PRH1: variants seen among roughly 807,000 people sequenced by gnomAD.
PRH1 encodes the protein proline rich protein HaeIII subfamily 1, also known as salivary acidic proline-rich phosphoprotein 1/2.
PRH1 carries 7 observed loss-of-function variants against 7.9 expected under a neutral mutation model. The ratio of observed to expected loss-of-function variants is 0.89; its 90% CI spans 0.50 to 1.67. The LOEUF (loss-of-function observed/expected upper bound fraction) is 1.67, where lower values mean the gene tolerates loss of function less well. Ranked by LOEUF, PRH1 falls within the 40% of genes most tolerant of loss-of-function variation. The pLI is 0.00. For missense variants in PRH1, 109 were observed against 223.6 expected, an observed-to-expected ratio of 0.49 and a Z score of 3.27; for synonymous variants, 45 against 80.8, an observed-to-expected ratio of 0.56 and a Z score of 2.38.
chr12:10,997,113 G>A (rs765313694), intron 1 of PRH1: 7 of 1,613,970 alleles, frequency 4.3e-6, no homozygotes, highest in Middle Eastern at 1.6e-4. Context: ...TCTTTTGGTC[G>A]CATCTTAAAA....
intron 1 of PRH1, chr12:11,030,334 A>C (rs933338486): frequency 6.5e-7 from 1 of 1,541,370 alleles, no homozygotes; most frequent in African/African-American, 1.4e-5. Flanking sequence ...AAAACCAGTA[A>C]GAAATATAAA....
At chr12:11,033,323 T>C (rs994686652) in intron 1 of PRH1, among the ~76,000 whole-genome samples, 1 of 151,982 alleles carries the variant, frequency 6.6e-6, no homozygotes, top group African/African-American at 2.4e-5. Flanking sequence ...ACTGAGATTA[T>C]GCCACTGCAC....
intron 1 of PRH1, among the ~76,000 whole-genome samples, chr12:11,105,006 A>G (rs1194841853): frequency 6.6e-6 from 1 of 151,742 alleles, no homozygotes; most frequent in Non-Finnish European, 1.5e-5. Context: ...ATATTTATTT[A>G]TATTTCATTA....
intron 1 of PRH1, among the ~76,000 whole-genome samples, chr12:11,147,175 T>C (rs185353405): frequency 3.9e-5 from 6 of 152,336 alleles, no homozygotes; most frequent in Admixed American, 2.0e-4. Context: ...AGTTTATCTA[T>C]GAACATGATA....
intron 2 of PRH1, among the ~76,000 whole-genome samples, chr12:10,946,342 G>A (rs7969080): frequency 0.51 from 77,782 of 152,016 alleles, 22,044 homozygotes; most frequent in East Asian, 0.72. Flanking sequence ...TGGTCCCTCC[G>A]TTTGGGGTCT....
intron 1 of PRH1, among the ~76,000 whole-genome samples, chr12:11,167,375 T>C (rs36050405): frequency 0.22 from 33,908 of 151,928 alleles, 3,822 homozygotes; most frequent in Non-Finnish European, 0.24. Context: ...CCTACTGAAA[T>C]GCCAGAGAAC....
rs117166084 is a variant in PRH1, at chr12:10,981,910, A to T, written c.-125-8189T>A. On this transcript the variant is annotated intron_variant, in intron 1 of 3. Transcript: ENST00000539853. The stretch of plus-strand genomic sequence containing the variant: ...GATTCTTACTATGTTGCCAAGGCTG[A>T]TCTGAAACTCTCAGCCTAAAGTGAT... Among the ~76,000 whole-genome samples the T allele has an allele frequency of 7.2e-3, 1,052 of 146,834 alleles. 8 individuals are homozygous for T. The highest frequency in any genetic ancestry group is 0.011 in the Non-Finnish European group (755 of 66,994).
chr12:11,006,509 A>C lies in PRH1; in HGVS notation c.-125-32788T>G, dbSNP rs141727367. 4.3e-3 allele frequency among the ~76,000 whole-genome samples: 653 copies of C among 151,742 alleles called. 5 individuals are homozygous for C. The highest frequency in any genetic ancestry group is 0.015 in the African/African-American group (631 of 41,412). The stretch of plus-strand genomic sequence containing the variant: ...CTTGCCTTCCTGCCTCAGCTTGCCA[A>C]GTAACTGGAACTACAGGCATGCACC... On this transcript the variant is annotated intron_variant, in intron 1 of 3. Coordinates refer to the PRH1 transcript ENST00000539853.
At chr12:11,110,819 G>A (rs1195481953) in intron 1 of PRH1, among the ~76,000 whole-genome samples, 1 of 152,168 alleles carries the variant, frequency 6.6e-6, no homozygotes, top group Non-Finnish European at 1.5e-5. Flanking sequence ...AACCTTAAAT[G>A]TAAATGGGAA....
At chr12:11,039,112 GC>G (rs1489180684) in intron 1 of PRH1, among the ~76,000 whole-genome samples, 38 of 152,290 alleles carry the variant, frequency 2.5e-4, no homozygotes, top group African/African-American at 7.5e-4. Flanking sequence ...TAGTCTACAA[GC>G]TTAATGTAGG....
chr12:10,950,290 C>T (rs1382318095), intron 2 of PRH1, among the ~76,000 whole-genome samples: 1 of 152,176 alleles, frequency 6.6e-6, no homozygotes, highest in Non-Finnish European at 1.5e-5. Context: ...CAGATTATGT[C>T]ATACTCAGCC....
chr12:10,905,325 A>T (rs1161732193), intron 2 of PRH1, among the ~76,000 whole-genome samples: 2 of 152,024 alleles, frequency 1.3e-5, no homozygotes, highest in East Asian at 3.9e-4. Flanking sequence ...TCATTGGAAC[A>T]CTATTCACAA....
chr12:10,890,621 A>G (rs995733007), intron 2 of PRH1, among the ~76,000 whole-genome samples: 1 of 152,096 alleles, frequency 6.6e-6, no homozygotes, highest in African/African-American at 2.4e-5. Flanking sequence ...TGCCTGTAAT[A>G]TCAGTACTTG....
chr12:10,992,404 GTTT>G (rs35530372), intron 1 of PRH1, among the ~76,000 whole-genome samples: 1 of 151,102 alleles, frequency 6.6e-6, no homozygotes, highest in Non-Finnish European at 1.5e-5. Flanking sequence ...TCGGTTGTTC[GTTT>G]TTTTTTGTTT....
chr12:10,994,358 C>A (rs1940101985), intron 1 of PRH1, among the ~76,000 whole-genome samples: 1 of 152,216 alleles, frequency 6.6e-6, no homozygotes, highest in Admixed American at 6.5e-5. Flanking sequence ...GACAGCTGAG[C>A]AGATATATTC....
chr12:11,057,055 G>A (rs1943392370), intron 1 of PRH1, among the ~76,000 whole-genome samples: 1 of 151,306 alleles, frequency 6.6e-6, no homozygotes, highest in Non-Finnish European at 1.5e-5. Context: ...TACCCAAGCT[G>A]GAGTACAGTG....
At chr12:10,951,909 T>C (rs764086330) in intron 2 of PRH1, among the ~76,000 whole-genome samples, 1 of 152,218 alleles carries the variant, frequency 6.6e-6, no homozygotes, top group Non-Finnish European at 1.5e-5. Flanking sequence ...TACAGTATAA[T>C]TGTTTCTAAG....
chr12:11,171,522 G>A, upstream of PRH1: 1 of 1,232,348 alleles, frequency 8.1e-7, no homozygotes, highest in Non-Finnish European at 1.0e-6. Flanking sequence ...CTACGTCGCG[G>A]GCTCGGTGAT....
intron 1 of PRH1, among the ~76,000 whole-genome samples, chr12:10,973,896 C>A (rs1274327059): frequency 6.6e-6 from 1 of 151,944 alleles, no homozygotes; most frequent in Non-Finnish European, 1.5e-5. Context: ...TTTTGGTAGA[C>A]CATAAAAAAC....
Sources: allele counts gnomAD v4.1 joint callset (sites outside exome capture counted in the v4.1 genomes callset), GRCh38; gene constraint gnomAD v4.1.1; transcripts MANE v1.5; gene names NCBI Gene and HGNC (gene_info 2026-07-23, HGNC 2026-07-21).